GLMN: variants seen among roughly 807,000 people sequenced by gnomAD.
GLMN encodes glomulin, FKBP associated protein.
A neutral mutation model predicts 87.8 loss-of-function variants in GLMN; 75 were observed. That is an observed-to-expected ratio of 0.85 (90% confidence interval 0.71 to 1.04). The LOEUF (loss-of-function observed/expected upper bound fraction) is 1.04. Among genes scored for constraint, GLMN ranks in the 50% least tolerant of loss-of-function variants. The pLI is 0.00. For synonymous variants in GLMN, 206 were observed against 221.6 expected (o/e 0.93, Z 0.63); for missense variants, 588 against 658.8 (o/e 0.89, Z 1.18).
intron 13 of GLMN, among the ~76,000 whole-genome samples, chr1:92,265,156 A>G (rs1326138402): frequency 1.3e-5 from 2 of 152,166 alleles, no homozygotes. Context: ...ATACTTATTT[A>G]TAACTGGATC....
At chr1:92,280,765 G>A (rs1480178183) in intron 7 of GLMN, among the ~76,000 whole-genome samples, 2 of 152,176 alleles carry the variant, frequency 1.3e-5, no homozygotes, top group Non-Finnish European at 2.9e-5. Context: ...GTGTAGAGAA[G>A]CACTTAAATG....
chr1:92,368,083 T>C, the GLMN span, among the ~76,000 whole-genome samples: 1 of 152,144 alleles, frequency 6.6e-6, no homozygotes, highest in Non-Finnish European at 1.5e-5. Context: ...TCAGTATGAG[T>C]GCAGTGAGCA....
chr1:92,283,587 C>T (rs1186291986), intron 7 of GLMN, among the ~76,000 whole-genome samples: 3 of 152,152 alleles, frequency 2.0e-5, no homozygotes, highest in Admixed American at 2.0e-4. Flanking sequence ...TCTCACCACT[C>T]CTATTCAACA....
At chr1:92,335,510 G>A in the GLMN span, among the ~76,000 whole-genome samples, 2 of 151,988 alleles carry the variant, frequency 1.3e-5, no homozygotes, top group Non-Finnish European at 2.9e-5. Flanking sequence ...ATATTTTGAT[G>A]TATATCCCTG....
chr1:92,302,910 T>G (rs1032716032), upstream of GLMN, among the ~76,000 whole-genome samples: 1 of 152,038 alleles, frequency 6.6e-6, no homozygotes, highest in Non-Finnish European at 1.5e-5. Context: ...CGCATTAATT[T>G]TTTTTTGGCC....
chr1:92,254,083 G>A (rs1653903736), intron 16 of GLMN, among the ~76,000 whole-genome samples: 1 of 152,116 alleles, frequency 6.6e-6, no homozygotes, highest in African/African-American at 2.4e-5. Flanking sequence ...ATGACCTGAT[G>A]GAGCTGAAAA....
intron 7 of GLMN, among the ~76,000 whole-genome samples, chr1:92,285,050 G>C (rs1190455800): frequency 6.6e-6 from 1 of 152,204 alleles, no homozygotes; most frequent in Non-Finnish European, 1.5e-5. Context: ...GTGGAAGACA[G>C]TGTGGCGATT....
chr1:92,247,467 A>C (rs1288988452), intron 17 of GLMN, among the ~76,000 whole-genome samples: 1 of 152,198 alleles, frequency 6.6e-6, no homozygotes, highest in Non-Finnish European at 1.5e-5. Context: ...CTATAAAAGC[A>C]CCACCACAGA....
the GLMN span, among the ~76,000 whole-genome samples, chr1:92,360,980 C>T: frequency 6.6e-6 from 1 of 151,734 alleles, no homozygotes; most frequent in Non-Finnish European, 1.5e-5. Flanking sequence ...TTTATTTTCT[C>T]ATATTCATGA....
the GLMN span, among the ~76,000 whole-genome samples, chr1:92,345,394 AAAAAAAAGAG>A: frequency 1.3e-5 from 2 of 148,712 alleles, no homozygotes; most frequent in African/African-American, 4.9e-5. Flanking sequence ...AAAAAAAAAA[AAAAAAAAGAG>A]AGAGAGAGAA....
chr1:92,329,306 T>G, the GLMN span, among the ~76,000 whole-genome samples: 9 of 152,104 alleles, frequency 5.9e-5, no homozygotes, highest in Non-Finnish European at 1.2e-4. Flanking sequence ...CCCAGGCCAA[T>G]GGAGTTATGT....
At chr1:92,354,334 GA>G in the GLMN span, among the ~76,000 whole-genome samples, 2 of 152,064 alleles carry the variant, frequency 1.3e-5, no homozygotes, top group African/African-American at 4.8e-5. Context: ...AAAAAAGCTG[GA>G]GACACTATTC....
upstream of GLMN, chr1:92,300,207 A>G (rs1458192078): frequency 4.3e-6 from 7 of 1,609,916 alleles, no homozygotes; most frequent in Non-Finnish European, 5.9e-6. Context: ...CTAAACAGAC[A>G]AGTACTTTGA....
chr1:92,309,799 T>G, the GLMN span, among the ~76,000 whole-genome samples: 1 of 152,198 alleles, frequency 6.6e-6, no homozygotes, highest in African/African-American at 2.4e-5. Flanking sequence ...TGGGAATGGG[T>G]TGGGATATTG....
the GLMN span, among the ~76,000 whole-genome samples, chr1:92,329,936 G>A: frequency 1.6e-4 from 25 of 152,270 alleles, no homozygotes; most frequent in Admixed American, 1.0e-3. Context: ...TTTCCAAAGC[G>A]TGAAAATGTG....
At chr1:92,360,065 A>T in the GLMN span, among the ~76,000 whole-genome samples, 1 of 152,232 alleles carries the variant, frequency 6.6e-6, no homozygotes. Context: ...ACTTTGCCCA[A>T]GGTCAGAGCT....
chr1:92,320,981 A>T, the GLMN span, among the ~76,000 whole-genome samples: 1 of 152,224 alleles, frequency 6.6e-6, no homozygotes, highest in South Asian at 2.1e-4. Context: ...GTCCTATAGG[A>T]TTTCAAAACC....
upstream of GLMN, chr1:92,299,082 C>T (rs1283299138): frequency 2.6e-5 from 39 of 1,509,090 alleles, no homozygotes; most frequent in Admixed American, 8.3e-4. Flanking sequence ...CCATGGCGGA[C>T]TTCGCTGGGC....
chr1:92,247,248 A>G, intron 17 of GLMN, 104 bp from the exon 18 acceptor site: 1 of 753,176 alleles, frequency 1.3e-6, no homozygotes, highest in Non-Finnish European at 2.4e-6. Context: ...AGTTATTTGT[A>G]TAAATTATTA....
Sources: allele counts gnomAD v4.1 joint callset (sites outside exome capture counted in the v4.1 genomes callset), GRCh38; gene constraint gnomAD v4.1.1; transcripts MANE v1.5; gene names NCBI Gene and HGNC (gene_info 2026-07-23, HGNC 2026-07-21).